The following PKHD1L1 variants were observed in gnomAD, a reference collection of about 807,000 sequenced individuals.
PKHD1L1 encodes the protein fibrocystin-L.
A neutral mutation model predicts 462.9 loss-of-function variants in PKHD1L1; 434 were observed. The observed-to-expected ratio is 0.94, with a 90% confidence interval of 0.87 to 1.02. The LOEUF is 1.02. PKHD1L1 is among the 50% of genes least tolerant of loss of function. PKHD1L1 has a pLI of 0.00. For synonymous variants in PKHD1L1, 1,781 were observed against 1,750.0 expected, an observed-to-expected ratio of 1.02 and a Z score of -0.44; for missense variants, 5,202 against 5,096.1, an observed-to-expected ratio of 1.02 and a Z score of -0.63.
chr8:109,420,400 G>T, intron 22 of PKHD1L1, 118 bp from the exon 23 acceptor site: 1 of 568,496 alleles, frequency 1.8e-6, no homozygotes, highest in Non-Finnish European at 2.9e-6. Context: ...ATTATTTGAT[G>T]ATTTTATTTT....
chr8:109,436,539 G>A (rs908667861), intron 30 of PKHD1L1, 80 bp downstream of exon 30: 18 of 1,557,362 alleles, frequency 1.2e-5, no homozygotes, highest in East Asian at 6.9e-5. Flanking sequence ...TGGGGCGGGG[G>A]GTGAAACAAG....
chr8:109,442,688 G>T (rs1055202393), intron 35 of PKHD1L1, among the ~76,000 whole-genome samples: 5 of 152,062 alleles, frequency 3.3e-5, no homozygotes, highest in Non-Finnish European at 7.4e-5. Flanking sequence ...TTAAATTTTG[G>T]TGTGTTATGC....
Position 109,494,686 on chromosome 8 carries a change from A to G in PKHD1L1, c.10327+935A>G, listed in dbSNP as rs574918683. Among the ~76,000 whole-genome samples, 6 of 152,124 alleles carry G rather than the reference A, an allele frequency of 3.9e-5. No homozygotes were observed. The South Asian group carries it at 1.2e-3, about 32-fold the overall frequency. Reference sequence around the variant, plus strand: ...ACCTATAAAATATGTTTTGTGGAAGAAAGGGAAGGAATCAGAATGTATATG... The same window carrying G: ...ACCTATAAAATATGTTTTGTGGAAGGAAGGGAAGGAATCAGAATGTATATG... On this transcript the variant is annotated intron_variant, in intron 63 of 77. Transcript: ENST00000378402.
chr8:109,447,252 A>C (rs1222479263), intron 38 of PKHD1L1, among the ~76,000 whole-genome samples: 1 of 152,030 alleles, frequency 6.6e-6, no homozygotes, highest in African/African-American at 2.4e-5. Context: ...AACAAACAAA[A>C]ACTTTCCTAA....
chr8:109,498,733 T>C lies in PKHD1L1; in HGVS notation c.10790T>C (p.Met3597Thr). The part of the protein sequence containing the change: ...MAPRKPHAGI[M>T]SYNAISGLLD... Reference sequence around the variant, plus strand: ...CCCCGAAAGCCCCATGCAGGAATCATGAGTTACAATGCCATCAGTGGCCTT... The same window carrying C: ...CCCCGAAAGCCCCATGCAGGAATCACGAGTTACAATGCCATCAGTGGCCTT... Residue 3597 changes from methionine (M) to threonine (T), a missense_variant, in exon 67 of 78, where the codon ATG (methionine) becomes ACG (threonine). Met to Thr is a moderately conservative substitution (Grantham distance 81). Transcript: ENST00000378402. 6.2e-7 allele frequency: 1 copy of C among 1,613,902 alleles called. No homozygotes were observed. Among genetic ancestry groups the C allele is most frequent in the Non-Finnish European group, 8.5e-7 (1 of 1,179,830 alleles).
In PKHD1L1 at chr8:109,498,270, T is replaced by C. The variant is rs556121051; in HGVS notation, c.10600-192T>C. ...GCGCCCGCCACCGCGCCCGGCTAAT[T>C]TTTTGTATTTTTAGTAGAGACGGGG... On this transcript the variant is annotated intron_variant, in intron 65 of 77. Coordinates refer to ENST00000378402, the MANE Select transcript of PKHD1L1 (RefSeq NM_177531.6). Among the ~76,000 whole-genome samples the C allele has an allele frequency of 5.1e-4, 48 of 93,516 alleles. 17 individuals are homozygous for C. Among genetic ancestry groups the C allele is most frequent in the African/African-American group, 2.1e-3 (44 of 20,570 alleles). 61.4% of individuals were successfully genotyped at this position (93,516 alleles called of 152,430 possible). A position where few individuals can be genotyped will look rare whatever the true frequency, so the allele number is the denominator to read the frequency against.
At chr8:109,482,921 A>C in intron 56 of PKHD1L1, 66 bp from the exon 57 acceptor site, 3 of 933,246 alleles carry the variant, frequency 3.2e-6, no homozygotes, top group Non-Finnish European at 4.6e-6. Context: ...GAACATTTTC[A>C]TTTTATACTA....
chr8:109,421,671 C>G (rs761595455), intron 23 of PKHD1L1, among the ~76,000 whole-genome samples: 13 of 152,156 alleles, frequency 8.5e-5, no homozygotes, highest in Non-Finnish European at 1.2e-4. Flanking sequence ...GTAGTCCCAG[C>G]TCCTTCCGAG....
intron 11 of PKHD1L1, among the ~76,000 whole-genome samples, chr8:109,397,549 G>A (rs1456225827): frequency 1.3e-5 from 2 of 152,048 alleles, no homozygotes; most frequent in Admixed American, 6.6e-5. Context: ...AAATTAGCTG[G>A]CATAGTGGCA....
chr8:109,389,735 T>C (rs1191478789), intron 8 of PKHD1L1, among the ~76,000 whole-genome samples: 4 of 152,106 alleles, frequency 2.6e-5, no homozygotes, highest in African/African-American at 9.6e-5. Flanking sequence ...GCCATATTGG[T>C]CAGGCTGGTC....
intron 22 of PKHD1L1, among the ~76,000 whole-genome samples, chr8:109,420,192 C>T (rs749744500): frequency 2.6e-5 from 4 of 152,142 alleles, no homozygotes; most frequent in Admixed American, 6.5e-5. Flanking sequence ...CAGAACAAAG[C>T]TAACTAACCA....
At chr8:109,466,330 G>A (rs1056161319) in intron 49 of PKHD1L1, among the ~76,000 whole-genome samples, 1 of 152,066 alleles carries the variant, frequency 6.6e-6, no homozygotes, top group Non-Finnish European at 1.5e-5. Context: ...CCATTTCCAA[G>A]TTTGACTCTT....
chr8:109,482,940 C>G (rs756890833), intron 56 of PKHD1L1, 47 bp from the exon 57 acceptor site: 1 of 1,204,616 alleles, frequency 8.3e-7, no homozygotes, highest in South Asian at 1.5e-5. Context: ...TAGCACCTAA[C>G]TCAGTACTGT....
intron 12 of PKHD1L1, 48 bp downstream of exon 12, chr8:109,398,596 G>T (rs1490665961): frequency 5.4e-6 from 4 of 746,702 alleles, no homozygotes; most frequent in Admixed American, 7.6e-5. Context: ...CACATAAAAA[G>T]AATATATTAG....
At chr8:109,397,860 G>A (rs78473359) in intron 11 of PKHD1L1, among the ~76,000 whole-genome samples, 1,654 of 152,284 alleles carry the variant, frequency 0.011, 24 homozygotes, top group African/African-American at 0.038. Context: ...CATATGTGAG[G>A]CATTGTGAGG....
intron 23 of PKHD1L1, 84 bp from the exon 24 acceptor site, chr8:109,425,001 A>G (rs908244458): frequency 4.3e-6 from 5 of 1,157,050 alleles, no homozygotes; most frequent in Non-Finnish European, 5.9e-6. Context: ...ATGTCATGTC[A>G]CAGGATTGTA....
At chr8:109,428,970 A>AT (rs1814927932) in intron 25 of PKHD1L1, among the ~76,000 whole-genome samples, 1 of 152,226 alleles carries the variant, frequency 6.6e-6, no homozygotes, top group Admixed American at 6.5e-5. Context: ...TTTTTCAATT[A>AT]TTTAAGAATA....
intron 41 of PKHD1L1, among the ~76,000 whole-genome samples, chr8:109,451,508 C>T (rs1157796384): frequency 1.3e-5 from 2 of 152,178 alleles, no homozygotes; most frequent in African/African-American, 4.8e-5. Context: ...TTATCTCCAG[C>T]CATGATCTGC....
At chr8:109,484,628 C>T (rs371955629) in intron 57 of PKHD1L1, among the ~76,000 whole-genome samples, 4 of 151,892 alleles carry the variant, frequency 2.6e-5, no homozygotes, top group South Asian at 2.1e-4. Context: ...TAACTTTCCT[C>T]GGGCTTTTCT....
Sources: gnomAD v4.1 joint callset for allele counts (sites outside exome capture counted in the v4.1 genomes callset) on GRCh38, gnomAD v4.1.1 for gene constraint, MANE v1.5 for transcripts, NCBI Gene and HGNC (gene_info 2026-07-23, HGNC 2026-07-21) for gene names.